Variants in OTULINL observed in about 807,000 individuals in gnomAD.
OTULINL encodes inactive ubiquitin thioesterase OTULINL.
In OTULINL, 42 loss-of-function variants were observed where a neutral mutation model predicts 43.9. That is an observed-to-expected ratio of 0.96 (90% CI 0.75 to 1.24). The LOEUF is 1.24. OTULINL is among the 50% of genes most tolerant of loss of function. OTULINL has a pLI of 0.00. For synonymous variants in OTULINL, 172 were observed against 153.6 expected, an observed-to-expected ratio of 1.12 and a Z score of -0.88; for missense variants, 411 against 426.4, an observed-to-expected ratio of 0.96 and a Z score of 0.32.
chr5:14,592,204 A>G (rs1220226425), intron 1 of OTULINL, among the ~76,000 whole-genome samples: 3 of 152,192 alleles, frequency 2.0e-5, no homozygotes. Context: ...GGGGTCTCAC[A>G]TTAAGTGTGG....
intron 1 of OTULINL, among the ~76,000 whole-genome samples, chr5:14,582,485 T>C (rs1759025112): frequency 6.6e-6 from 1 of 151,746 alleles, no homozygotes; most frequent in South Asian, 2.1e-4. Flanking sequence ...CACAGAATAC[T>C]CTGGCTGAAA....
In OTULINL at chr5:14,613,751, C is replaced by A. The variant is rs181359169; in HGVS notation, c.*3437C>A. Among the ~76,000 whole-genome samples the A allele has an allele frequency of 3.0e-3, 457 of 152,272 alleles. 1 individual carries two copies. The highest frequency in any genetic ancestry group is 5.1e-3 in the Non-Finnish European group (344 of 68,016). The stretch of plus-strand genomic sequence containing the variant: ...GAGTCAGGTGAAAGTCCCCAGGGCC[C>A]TCTCTAGGGGACCGGAGACCTCCAG... On this transcript the variant is annotated 3_prime_UTR_variant, in exon 8 of 8. Transcript: ENST00000274217.
At chr5:14,605,964 C>G (rs549719596) in intron 5 of OTULINL, among the ~76,000 whole-genome samples, 1 of 152,270 alleles carries the variant, frequency 6.6e-6, no homozygotes, top group South Asian at 2.1e-4. Flanking sequence ...TGCTTGTTAC[C>G]CAATTCCAAA....
At chr5:14,584,310 G>C (rs944921362) in intron 1 of OTULINL, among the ~76,000 whole-genome samples, 3 of 152,172 alleles carry the variant, frequency 2.0e-5, no homozygotes, top group Non-Finnish European at 4.4e-5. Context: ...TTTCAGCCAT[G>C]ATTTCAGGAA....
rs559692762 is a variant in OTULINL, at chr5:14,615,929, C to G, written c.*5615C>G. On this transcript the variant is annotated 3_prime_UTR_variant, in exon 8 of 8. Transcript: ENST00000274217. ...CTATACAGAAGGACACACCACAGAT[C>G]CTCTTTTTAAAGCAGGTAATAAAGT... Among the ~76,000 whole-genome samples, 2 of 152,318 alleles carry G rather than the reference C, an allele frequency of 1.3e-5. No individual in the cohort carries two copies. Among genetic ancestry groups the G allele is most frequent in the East Asian group, 3.9e-4 (2 of 5,186 alleles).
Position 14,614,785 on chromosome 5 carries a change from A to G in OTULINL, c.*4471A>G. On this transcript the variant is annotated 3_prime_UTR_variant, in exon 8 of 8. Transcript: ENST00000274217. Reference sequence around the variant, plus strand: ...GGCTGTGTGAGCAGACTGCTATAGAATGCTAAAGTTATAATCCTAGCTGGT... The same window carrying G: ...GGCTGTGTGAGCAGACTGCTATAGAGTGCTAAAGTTATAATCCTAGCTGGT... The G allele has an allele frequency of 2.5e-6, 1 of 398,622 alleles. No homozygotes were observed. The highest frequency in any genetic ancestry group is 1.3e-4 in the South Asian group (1 of 7,856). 24.7% of individuals were successfully genotyped at this position (398,622 alleles called of 1,614,324 possible).
intron 7 of OTULINL, among the ~76,000 whole-genome samples, chr5:14,609,864 C>T (rs775968199): frequency 2.9e-4 from 44 of 152,238 alleles, no homozygotes; most frequent in Non-Finnish European, 6.0e-4. Context: ...GTGATCCGCC[C>T]GCCTCGGCCT....
At chr5:14,587,067 G>T (rs897303542) in intron 1 of OTULINL, among the ~76,000 whole-genome samples, 3 of 152,130 alleles carry the variant, frequency 2.0e-5, no homozygotes, top group African/African-American at 7.2e-5. Context: ...GTCTGTGTCT[G>T]TCCTCTAAGC....
At chr5:14,607,241 A>AT in intron 5 of OTULINL, 89 bp from the exon 6 acceptor site, 5 of 1,360,124 alleles carry the variant, frequency 3.7e-6, no homozygotes, top group Non-Finnish European at 5.0e-6. Flanking sequence ...AAAAAAAAAA[A>AT]GATAAGGTTG....
At position 14,613,116 on chromosome 5, in the gene OTULINL, G is replaced by T. The variant is rs1759610028; in HGVS notation, c.*2802G>T. Reference sequence around the variant, plus strand: ...TTTTTGTGTTTTTAGTAGAAACGGGGTTTCACCATTTAGCCAGGCTGATCT... The same window carrying T: ...TTTTTGTGTTTTTAGTAGAAACGGGTTTTCACCATTTAGCCAGGCTGATCT... On this transcript the variant is annotated 3_prime_UTR_variant, in exon 8 of 8. Coordinates refer to ENST00000274217, the MANE Select transcript of OTULINL (RefSeq NM_019018.3). Among the ~76,000 whole-genome samples, 1 of 152,104 alleles carries T rather than the reference G, an allele frequency of 6.6e-6. No individual in the cohort carries two copies. The highest frequency in any genetic ancestry group is 2.1e-4 in the South Asian group (1 of 4,828).
rs191049142 is a variant in OTULINL, at chr5:14,614,815, C to T, written c.*4501C>T. On this transcript the variant is annotated 3_prime_UTR_variant, in exon 8 of 8. Transcript: ENST00000274217. Reference sequence around the variant, plus strand: ...AAAGTTATAATCCTAGCTGGTGTCTCGTTCTGTTTAAAAAAATCAAATTTC... The same window carrying T: ...AAAGTTATAATCCTAGCTGGTGTCTTGTTCTGTTTAAAAAAATCAAATTTC... The T allele has an allele frequency of 1.3e-3, 504 of 398,272 alleles. No individual in the cohort carries two copies. The highest frequency in any genetic ancestry group is 1.9e-3 in the Non-Finnish European group (421 of 225,996). 24.7% of individuals were successfully genotyped at this position (398,272 alleles called of 1,614,324 possible). A position where few individuals can be genotyped will look rare whatever the true frequency, so the allele number is the denominator to read the frequency against.
chr5:14,598,595 T>C (rs1302212604), intron 1 of OTULINL, among the ~76,000 whole-genome samples: 2 of 152,198 alleles, frequency 1.3e-5, no homozygotes, highest in Non-Finnish European at 2.9e-5. Flanking sequence ...TGTTTATCAA[T>C]AAGGCAGTGT....
chr5:14,589,484 C>T (rs1759161975), intron 1 of OTULINL, among the ~76,000 whole-genome samples: 1 of 152,042 alleles, frequency 6.6e-6, no homozygotes, highest in South Asian at 2.1e-4. Context: ...CAGGGTCAGA[C>T]CATGAGGGGG....
Position 14,610,190 on chromosome 5 carries a change from T to C in OTULINL, c.947T>C (p.Phe316Ser). The change falls in exon 8 of 8, where the codon TTC (phenylalanine) becomes TCC (serine). Residue 316 changes from phenylalanine (F) to serine (S), a missense_variant. By Grantham distance (155) the Phe-to-Ser change is radical. Transcript: ENST00000274217. Reference protein sequence around the residue: ...GYSLEVKIKVFRLFKFNSRDF... With the variant: ...GYSLEVKIKVSRLFKFNSRDF... The stretch of plus-strand genomic sequence containing the variant: ...TCCCTTGAAGTAAAGATAAAAGTGT[T>C]CAGACTGTTCAAGTTTAACTCCAGA... The C allele has an allele frequency of 1.2e-6, 2 of 1,614,172 alleles. No homozygotes were observed. Among genetic ancestry groups the C allele is most frequent in the South Asian group, 1.1e-5 (1 of 91,082 alleles).
rs80250913 is a variant in OTULINL at position 14,613,837 on chromosome 5, C to T, written c.*3523C>T. On this transcript the variant is annotated 3_prime_UTR_variant, in exon 8 of 8. Transcript: ENST00000274217. ...GAGAAGAGCAGCCAGGATCAGGGGGCATTAACGTTAATTTTCCCAGGACTT... is the reference window on the plus strand; with the variant it reads ...GAGAAGAGCAGCCAGGATCAGGGGGTATTAACGTTAATTTTCCCAGGACTT... Among the ~76,000 whole-genome samples, 1,220 of 152,208 alleles carry T rather than the reference C, an allele frequency of 8.0e-3. 11 individuals are homozygous for T. Among genetic ancestry groups the T allele is most frequent in the African/African-American group, 0.028 (1,174 of 41,534 alleles).
chr5:14,607,195 A>T, intron 5 of OTULINL, 135 bp from the exon 6 acceptor site: 1 of 944,204 alleles, frequency 1.1e-6, no homozygotes, highest in Non-Finnish European at 1.6e-6. Context: ...ACGCCACTGC[A>T]CTCCAGCCTG....
chr5:14,609,761 G>A (rs1759546056), intron 7 of OTULINL, among the ~76,000 whole-genome samples: 1 of 151,962 alleles, frequency 6.6e-6, no homozygotes, highest in Non-Finnish European at 1.5e-5. Flanking sequence ...CTCCCGAGTA[G>A]CTGGGACTAC....
At position 14,612,781 on chromosome 5, in the gene OTULINL, A is replaced by G. The variant is rs1299568912; in HGVS notation, c.*2467A>G. On this transcript the variant is annotated 3_prime_UTR_variant, in exon 8 of 8. Transcript: ENST00000274217. Reference sequence around the variant, plus strand: ...GAACTATAGCAAAAATGGAAACATAATGCCCTCGTCGTTTTTTGATTTTAG... The same window carrying G: ...GAACTATAGCAAAAATGGAAACATAGTGCCCTCGTCGTTTTTTGATTTTAG... The G allele has an allele frequency of 2.3e-4, 35 of 152,184 alleles. No homozygotes were observed. Among genetic ancestry groups the G allele is most frequent in the Non-Finnish European group, 1.5e-5 (1 of 68,026 alleles). 9.4% of individuals were successfully genotyped at this position (152,184 alleles called of 1,614,324 possible).
chr5:14,588,036 T>C (rs774160192), intron 1 of OTULINL, among the ~76,000 whole-genome samples: 4 of 152,266 alleles, frequency 2.6e-5, no homozygotes, highest in Non-Finnish European at 5.9e-5. Flanking sequence ...GTTTAATAGA[T>C]CTGTAGGACC....
Sources: allele counts gnomAD v4.1 joint callset (sites outside exome capture counted in the v4.1 genomes callset), GRCh38; gene constraint gnomAD v4.1.1; transcripts MANE v1.5; gene names NCBI Gene and HGNC (gene_info 2026-07-23, HGNC 2026-07-21).